Variants in IGF2BP1 observed in about 807,000 individuals in gnomAD.
IGF2BP1 encodes the protein insulin like growth factor 2 mRNA binding protein 1, also known as insulin-like growth factor 2 mRNA-binding protein 1.
Under a neutral mutation model 74.9 loss-of-function variants are expected in IGF2BP1, and 11 were observed. That is an observed-to-expected ratio of 0.15 (90% CI 0.09 to 0.24). IGF2BP1 has a LOEUF of 0.24. Among genes scored for constraint, IGF2BP1 ranks in the 10% least tolerant of loss-of-function variants. The probability of loss-of-function intolerance (pLI) is 1.00; values close to 1 mark genes in which losing one functional copy is unlikely to be tolerated. For synonymous variants in IGF2BP1, 287 were observed against 281.8 expected, an observed-to-expected ratio of 1.02 and a Z score of -0.18; for missense variants, 440 against 757.4, an observed-to-expected ratio of 0.58 and a Z score of 4.92.
chr17:49,021,696 G>A (rs2041794608), intron 2 of IGF2BP1, among the ~76,000 whole-genome samples: 1 of 152,220 alleles, frequency 6.6e-6, no homozygotes, highest in Non-Finnish European at 1.5e-5. Flanking sequence ...CTATAGGAGG[G>A]TGGTGGGGAG....
chr17:49,044,764 TAGAA>T (rs1355731874), intron 11 of IGF2BP1, among the ~76,000 whole-genome samples: 27 of 152,282 alleles, frequency 1.8e-4, no homozygotes, highest in Non-Finnish European at 4.0e-4. Context: ...AGGCCCTACT[TAGAA>T]AGTGTCATTG....
At chr17:49,019,410 T>G (rs188526116) in intron 2 of IGF2BP1, among the ~76,000 whole-genome samples, 24 of 152,340 alleles carry the variant, frequency 1.6e-4, no homozygotes, top group African/African-American at 5.8e-4. Flanking sequence ...TAGTTTCTAT[T>G]AATTTTGAAC....
At chr17:49,008,388 A>G (rs2041576708) in intron 2 of IGF2BP1, among the ~76,000 whole-genome samples, 2 of 152,158 alleles carry the variant, frequency 1.3e-5, no homozygotes, top group South Asian at 2.1e-4. Flanking sequence ...GAGGTTATCT[A>G]TAGGGTTTTC....
chr17:49,043,932 G>A lies in IGF2BP1; in HGVS notation c.1201-35G>A, dbSNP rs745489485. ...GGAGGGTTTCTGGGCCATGCTACTT[G>A]GGCCCCCTGGTAACAACGCCTCCTA... On this transcript the variant is annotated intron_variant, in intron 10 of 14. Transcript: ENST00000290341. The A allele has an allele frequency of 3.5e-5, 56 of 1,609,196 alleles. No homozygotes were observed. The Admixed American group carries it at 9.1e-4, about 26-fold the overall frequency.
At chr17:49,034,555 C>T (rs759179735) in intron 5 of IGF2BP1, among the ~76,000 whole-genome samples, 5 of 151,306 alleles carry the variant, frequency 3.3e-5, no homozygotes, top group Non-Finnish European at 7.4e-5. Flanking sequence ...GCCTGGGCAA[C>T]ATGGCAAAAC....
intron 2 of IGF2BP1, among the ~76,000 whole-genome samples, chr17:49,005,009 T>C (rs1184827764): frequency 6.6e-6 from 1 of 152,168 alleles, no homozygotes; most frequent in Non-Finnish European, 1.5e-5. Flanking sequence ...AGAACTTGGA[T>C]GGCCCTTCAG....
chr17:48,999,840 C>A (rs1228622165), intron 2 of IGF2BP1, among the ~76,000 whole-genome samples: 2 of 151,364 alleles, frequency 1.3e-5, no homozygotes, highest in South Asian at 2.1e-4. Context: ...CCCATTGTTA[C>A]CAGGGGACCA....
chr17:48,998,781 C>G lies in IGF2BP1; in HGVS notation c.176-328C>G, dbSNP rs546200088. 1.6e-4 allele frequency among the ~76,000 whole-genome samples: 25 copies of G among 152,362 alleles called. 1 individual carries two copies. The highest frequency in any genetic ancestry group is 4.6e-4 in the Admixed American group (7 of 15,312). ...ACGGGGAGCCCTTTCTTTCCTGGCT[C>G]CTTCCCACATCTGGGAGCTGTGTAG... is the stretch of plus-strand genomic sequence containing the variant. On this transcript the variant is annotated intron_variant, in intron 1 of 14. Transcript: ENST00000290341.
intron 5 of IGF2BP1, chr17:49,037,299 GGACGTCTAACT>G (rs897974560): frequency 2.1e-6 from 1 of 473,728 alleles, no homozygotes; most frequent in Non-Finnish European, 4.0e-6. Context: ...TCTATTGAAA[GGACGTCTAACT>G]GCTCACTATA....
rs771227164 is a variant in IGF2BP1 at position 49,042,342 on chromosome 17, C to A, written c.1042C>A (p.Arg348=). The part of the protein sequence containing the change: ...RAEQEIMKKV[R]EAYENDVAAM... ...CGAGCAGGAAATAATGAAGAAAGTT[C>A]GGGAGGCCTATGAGAATGATGTGGC... Residue 348 remains arginine, a synonymous_variant, in exon 9 of 15, where the codon CGG becomes AGG. Coordinates refer to ENST00000290341, the MANE Select transcript of IGF2BP1 (RefSeq NM_006546.4). The A allele has an allele frequency of 6.2e-7, 1 of 1,613,886 alleles. No homozygotes were observed. The highest frequency in any genetic ancestry group is 1.1e-5 in the South Asian group (1 of 91,030).
chr17:49,014,784 C>T, intron 2 of IGF2BP1: 1 of 985,396 alleles, frequency 1.0e-6, no homozygotes, highest in Non-Finnish European at 1.2e-6. Flanking sequence ...TCAGGGGGCA[C>T]TAAGGACCCC....
chr17:49,056,035 T>C lies in IGF2BP1; in HGVS notation c.*6591T>C, dbSNP rs1032506691. ...TCACACGTTGGAGTTTGTTCTTTGA[T>C]GGATGAACGAACACTCCAGTTTTCT... is the stretch of plus-strand genomic sequence containing the variant. On this transcript the variant is annotated 3_prime_UTR_variant, in exon 15 of 15. Coordinates refer to ENST00000290341, the MANE Select transcript of IGF2BP1 (RefSeq NM_006546.4). Among the ~76,000 whole-genome samples the C allele has an allele frequency of 2.0e-5, 3 of 152,062 alleles. No homozygotes were observed.
At chr17:49,025,853 C>CTT (rs749731111) in intron 3 of IGF2BP1, among the ~76,000 whole-genome samples, 187 bp downstream of exon 3, 36 of 140,414 alleles carry the variant, frequency 2.6e-4, no homozygotes, top group South Asian at 1.1e-3. Context: ...TCTTTCTTTT[C>CTT]TTTCTTTTTT....
chr17:49,033,722 A>C (rs1290578287), intron 5 of IGF2BP1, among the ~76,000 whole-genome samples: 1 of 152,138 alleles, frequency 6.6e-6, no homozygotes, highest in Non-Finnish European at 1.5e-5. Flanking sequence ...ATTCAGCCCC[A>C]TTTTACAGAC....
Position 49,011,163 on chromosome 17 carries a change from A to C in IGF2BP1, c.236+11994A>C, listed in dbSNP as rs12947641. 2.8e-3 allele frequency among the ~76,000 whole-genome samples: 405 copies of C among 144,736 alleles called. 2 individuals are homozygous for C. Among genetic ancestry groups the C allele is most frequent in the African/African-American group, 9.8e-3 (376 of 38,422 alleles). The allele number at this position is 144,736 out of a possible 152,430, so 95.0% of individuals were successfully genotyped here. A position where few individuals can be genotyped will look rare whatever the true frequency, so the allele number is the denominator to read the frequency against. Reference sequence around the variant, plus strand: ...AAAAAAAAAAAAAAAAAAAAAAAAAAAAAACAAACCCTAAAAAAACAAAAA... The same window carrying C: ...AAAAAAAAAAAAAAAAAAAAAAAAACAAAACAAACCCTAAAAAAACAAAAA... On this transcript the variant is annotated intron_variant, in intron 2 of 14. Transcript: ENST00000290341.
chr17:49,043,586 C>A, intron 10 of IGF2BP1, 36 bp downstream of exon 10: 1 of 1,609,014 alleles, frequency 6.2e-7, no homozygotes, highest in Non-Finnish European at 8.5e-7. Flanking sequence ...GATCCCTGGG[C>A]CCATATGTGG....
chr17:49,008,386 CTA>C (rs2041576642), intron 2 of IGF2BP1, among the ~76,000 whole-genome samples: 2 of 152,104 alleles, frequency 1.3e-5, no homozygotes, highest in Admixed American at 1.3e-4. Context: ...CTGAGGTTAT[CTA>C]TAGGGTTTTC....
intron 5 of IGF2BP1, among the ~76,000 whole-genome samples, chr17:49,035,651 C>CA (rs1291048718): frequency 6.6e-6 from 1 of 152,164 alleles, no homozygotes; most frequent in Non-Finnish European, 1.5e-5. Context: ...GTGGCTGGGG[C>CA]ACCTGGGAAC....
intron 5 of IGF2BP1, among the ~76,000 whole-genome samples, chr17:49,032,637 G>T (rs548566557): frequency 6.6e-6 from 1 of 152,204 alleles, no homozygotes; most frequent in Admixed American, 6.5e-5. Context: ...TTAACATGCC[G>T]CCTTCTCCAA....
Sources: gnomAD v4.1 joint callset for allele counts (sites outside exome capture counted in the v4.1 genomes callset) on GRCh38, gnomAD v4.1.1 for gene constraint, MANE v1.5 for transcripts, NCBI Gene and HGNC (gene_info 2026-07-23, HGNC 2026-07-21) for gene names.